Variants in KCNIP4 observed in about 807,000 individuals in gnomAD.
KCNIP4 encodes the protein Kv channel-interacting protein 4.
In KCNIP4, 12 loss-of-function variants were observed where a neutral mutation model predicts 34.0. The observed-to-expected ratio is 0.35, with a 90% CI of 0.23 to 0.57. The LOEUF is 0.57. Among genes scored for constraint, KCNIP4 ranks in the 20% least tolerant of loss-of-function variants. The pLI, the probability that KCNIP4 is intolerant of heterozygous loss-of-function variation, is 0.83. For synonymous variants in KCNIP4, 124 were observed against 102.2 expected (o/e 1.21, Z -1.29); for missense variants, 238 against 311.7 (o/e 0.76, Z 1.78).
At chr4:21,905,775 A>G (rs1352472865) in intron 1 of KCNIP4, among the ~76,000 whole-genome samples, 1 of 152,206 alleles carries the variant, frequency 6.6e-6, no homozygotes, top group African/African-American at 2.4e-5. Flanking sequence ...TTCACAATTT[A>G]GGATGCTGTT....
At chr4:21,137,257 A>G (rs138468252) in intron 1 of KCNIP4, among the ~76,000 whole-genome samples, 2 of 152,240 alleles carry the variant, frequency 1.3e-5, no homozygotes, top group East Asian at 3.9e-4. Context: ...AGAGCAAATG[A>G]CAGAAGAAGC....
At chr4:21,634,046 C>G (rs1343636761) in intron 1 of KCNIP4, among the ~76,000 whole-genome samples, 1 of 151,880 alleles carries the variant, frequency 6.6e-6, no homozygotes, top group Non-Finnish European at 1.5e-5. Context: ...AATATCATCT[C>G]AGTGTTACTA....
intron 1 of KCNIP4, among the ~76,000 whole-genome samples, chr4:21,714,802 TTA>T (rs1491540715): frequency 4.3e-3 from 1 of 230 alleles, no homozygotes; most frequent in South Asian, 0.1. Flanking sequence ...TTATTTTATT[TTA>T]TTTTATTTTA....
chr4:20,992,329 A>G (rs1244297972), intron 1 of KCNIP4, among the ~76,000 whole-genome samples: 2 of 152,000 alleles, frequency 1.3e-5, no homozygotes, highest in African/African-American at 4.8e-5. Flanking sequence ...AAACCATCAC[A>G]TTTCATGAGA....
At chr4:21,831,907 A>T (rs184408491) in intron 1 of KCNIP4, among the ~76,000 whole-genome samples, 14 of 152,106 alleles carry the variant, frequency 9.2e-5, no homozygotes, top group Non-Finnish European at 1.3e-4. Context: ...AATCCTTACC[A>T]AATACTAGCA....
intron 1 of KCNIP4, among the ~76,000 whole-genome samples, chr4:21,218,427 G>T (rs1757766373): frequency 6.6e-6 from 1 of 151,792 alleles, no homozygotes; most frequent in Non-Finnish European, 1.5e-5. Context: ...ATTATTATAA[G>T]GAATTTATTT....
rs12642092 is a variant in KCNIP4, at chr4:21,657,431, T to A, written c.61+291140A>T. 8.3e-3 allele frequency among the ~76,000 whole-genome samples: 1,260 copies of A among 152,278 alleles called. 90 individuals carry two copies. The East Asian group carries it at 0.18, about 22-fold the overall frequency. ...CAAGGCAAATCACTTTTAATTCTCA[T>A]TTCCTCATCTCCAATCAGGATAAAA... On this transcript the variant is annotated intron_variant, in intron 1 of 8. Transcript: ENST00000382152.
chr4:21,699,610 C>T (rs952349577), intron 1 of KCNIP4, among the ~76,000 whole-genome samples: 3 of 152,120 alleles, frequency 2.0e-5, no homozygotes, highest in Non-Finnish European at 2.9e-5. Context: ...GTGGAGGAAA[C>T]AGCTTATGCA....
chr4:21,380,410 G>A (rs912923396), intron 1 of KCNIP4, among the ~76,000 whole-genome samples: 7 of 150,742 alleles, frequency 4.6e-5, no homozygotes, highest in Non-Finnish European at 1.0e-4. Context: ...TGTGTGGCAG[G>A]GTGGGGGTCT....
rs569448891 is a variant in KCNIP4 at position 21,609,611 on chromosome 4, T to C, written c.61+338960A>G. Among the ~76,000 whole-genome samples the C allele has an allele frequency of 3.3e-5, 5 of 152,278 alleles. No individual in the cohort carries two copies. The South Asian group carries it at 8.3e-4, about 25-fold the overall frequency. The stretch of plus-strand genomic sequence containing the variant: ...GATCTTTAAAAATTAGAGCAACAAG[T>C]AATCACAATGAAGATGATATTTCTT... On this transcript the variant is annotated intron_variant, in intron 1 of 8. Coordinates refer to ENST00000382152, the MANE Select transcript of KCNIP4 (RefSeq NM_025221.6).
intron 4 of KCNIP4, among the ~76,000 whole-genome samples, chr4:20,753,089 T>A (rs1753925455): frequency 6.6e-6 from 1 of 152,172 alleles, no homozygotes; most frequent in Non-Finnish European, 1.5e-5. Flanking sequence ...GAAAAATAAA[T>A]GTTGAGATTT....
intron 1 of KCNIP4, among the ~76,000 whole-genome samples, chr4:20,957,185 C>G (rs1302432109): frequency 6.6e-6 from 1 of 152,176 alleles, no homozygotes; most frequent in Admixed American, 6.5e-5. Context: ...ACGGGTACCT[C>G]GGTTTTCTTT....
chr4:21,334,776 T>TTG (rs138569573), intron 1 of KCNIP4, among the ~76,000 whole-genome samples: 3,487 of 152,166 alleles, frequency 0.023, 148 homozygotes, highest in African/African-American at 0.08. Context: ...ATGTGATCTT[T>TTG]TGTGTGTGAC....
At chr4:20,742,585 A>C (rs1167140546) in intron 5 of KCNIP4, among the ~76,000 whole-genome samples, 1 of 152,190 alleles carries the variant, frequency 6.6e-6, no homozygotes, top group Non-Finnish European at 1.5e-5. Context: ...AGAGCTATTT[A>C]TGGCAAACCC....
chr4:21,455,428 C>T (rs151088119), intron 1 of KCNIP4, among the ~76,000 whole-genome samples: 95 of 152,074 alleles, frequency 6.2e-4, no homozygotes, highest in African/African-American at 2.2e-3. Context: ...TAAAATCAAC[C>T]ATGCTTCACT....
At chr4:21,359,620 T>A (rs903182319) in intron 1 of KCNIP4, among the ~76,000 whole-genome samples, 2 of 152,114 alleles carry the variant, frequency 1.3e-5, no homozygotes, top group African/African-American at 2.4e-5. Flanking sequence ...AAAATAACAC[T>A]GAAAATGTTC....
At chr4:21,784,596 T>A (rs575830194) in intron 1 of KCNIP4, among the ~76,000 whole-genome samples, 2 of 152,208 alleles carry the variant, frequency 1.3e-5, no homozygotes, top group South Asian at 2.1e-4. Flanking sequence ...CATATTTTTA[T>A]CTGAAAAAAT....
At chr4:21,305,061 A>T (rs1275088025) in intron 1 of KCNIP4, among the ~76,000 whole-genome samples, 2 of 152,292 alleles carry the variant, frequency 1.3e-5, no homozygotes, top group Admixed American at 6.5e-5. Flanking sequence ...CACTGCCCAA[A>T]TAGATTAGCT....
At chr4:21,676,702 A>G (rs937948478) in intron 1 of KCNIP4, among the ~76,000 whole-genome samples, 1 of 152,164 alleles carries the variant, frequency 6.6e-6, no homozygotes, top group African/African-American at 2.4e-5. Flanking sequence ...TTATTCCTAT[A>G]TTGGAGTGTT....
Sources: gnomAD v4.1 joint callset for allele counts (sites outside exome capture counted in the v4.1 genomes callset) on GRCh38, gnomAD v4.1.1 for gene constraint, MANE v1.5 for transcripts, NCBI Gene and HGNC (gene_info 2026-07-23, HGNC 2026-07-21) for gene names.